ANO4: variants seen among roughly 807,000 people sequenced by gnomAD.
ANO4 encodes the protein anoctamin 4.
Under a neutral mutation model 141.9 loss-of-function variants are expected in ANO4, and 69 were observed. That is an observed-to-expected ratio of 0.49 (90% CI 0.40 to 0.59). The LOEUF is 0.59. Ranked by LOEUF, ANO4 falls within the 20% of genes least tolerant of loss-of-function variation. ANO4 has a pLI of 0.00. For synonymous variants in ANO4, 350 were observed against 394.3 expected (o/e 0.89, Z 1.33); for missense variants, 894 against 1,162.2 (o/e 0.77, Z 3.36).
At chr12:100,836,688 G>A (rs2036941898) in intron 1 of ANO4, among the ~76,000 whole-genome samples, 1 of 152,102 alleles carries the variant, frequency 6.6e-6, no homozygotes, top group African/African-American at 2.4e-5. Flanking sequence ...TTCCAAGGGA[G>A]TTTTTCTTCA....
chr12:100,867,878 T>C (rs1432706621), intron 1 of ANO4, among the ~76,000 whole-genome samples: 1 of 152,224 alleles, frequency 6.6e-6, no homozygotes, highest in Non-Finnish European at 1.5e-5. Context: ...TTTGCACTCT[T>C]TCATTGCCCT....
At chr12:100,726,824 A>G (rs568721767) in intron 1 of ANO4, among the ~76,000 whole-genome samples, 1 of 152,270 alleles carries the variant, frequency 6.6e-6, no homozygotes, top group Admixed American at 6.5e-5. Flanking sequence ...GTTTTGCTTG[A>G]TAGAAATATG....
At chr12:100,722,155 C>A (rs2136732088) in intron 1 of ANO4, among the ~76,000 whole-genome samples, 1 of 152,314 alleles carries the variant, frequency 6.6e-6, no homozygotes, top group East Asian at 1.9e-4. Context: ...AGTATACTCT[C>A]AATCACCAAG....
chr12:100,968,422 G>A (rs547257032), intron 5 of ANO4, among the ~76,000 whole-genome samples: 29 of 152,066 alleles, frequency 1.9e-4, no homozygotes, highest in African/African-American at 6.7e-4. Flanking sequence ...TACTCTAAGC[G>A]CTATATTCTG....
At chr12:100,937,020 A>C (rs2042313970) in intron 3 of ANO4, among the ~76,000 whole-genome samples, 4 of 152,210 alleles carry the variant, frequency 2.6e-5, no homozygotes, top group Admixed American at 2.0e-4. Context: ...AATTTAATTT[A>C]ATCACTGTCT....
chr12:100,941,702 G>A (rs1332432631), intron 4 of ANO4, among the ~76,000 whole-genome samples: 2 of 151,628 alleles, frequency 1.3e-5, no homozygotes, highest in Non-Finnish European at 2.9e-5. Context: ...TTTTTCTCTA[G>A]GCTTACATGT....
intron 17 of ANO4, among the ~76,000 whole-genome samples, chr12:101,089,493 T>C (rs1842508612): frequency 6.6e-6 from 1 of 152,102 alleles, no homozygotes; most frequent in African/African-American, 2.4e-5. Context: ...TCGGTCTGTG[T>C]TAACTGTGGA....
At chr12:101,055,181 T>A (rs374949235) in intron 14 of ANO4, among the ~76,000 whole-genome samples, 9 of 152,358 alleles carry the variant, frequency 5.9e-5, no homozygotes, top group Middle Eastern at 3.4e-3. Flanking sequence ...TTGTAGCCAT[T>A]CATCTTGGAT....
chr12:101,094,541 T>C (rs2049904032), intron 18 of ANO4, among the ~76,000 whole-genome samples: 1 of 152,206 alleles, frequency 6.6e-6, no homozygotes, highest in South Asian at 2.1e-4. Context: ...TTTCTCTTCA[T>C]GCACAAAAAA....
chr12:101,103,626 A>G (rs1250034717), intron 22 of ANO4, among the ~76,000 whole-genome samples: 3 of 151,820 alleles, frequency 2.0e-5, no homozygotes, highest in African/African-American at 7.2e-5. Flanking sequence ...TTTAATTACT[A>G]AGTTCAATTT....
intron 2 of ANO4, among the ~76,000 whole-genome samples, chr12:100,920,723 G>T (rs11110584): frequency 1.3e-5 from 2 of 152,104 alleles, no homozygotes; most frequent in South Asian, 4.1e-4. Flanking sequence ...GACAGTGACC[G>T]AAATGCATAC....
chr12:101,073,012 A>G (rs922973437), intron 14 of ANO4, among the ~76,000 whole-genome samples: 2 of 152,198 alleles, frequency 1.3e-5, no homozygotes, highest in Non-Finnish European at 2.9e-5. Flanking sequence ...CAACCATTGT[A>G]GAAGACAGTG....
At chr12:101,021,097 A>G (rs891759599) in intron 9 of ANO4, among the ~76,000 whole-genome samples, 1 of 152,202 alleles carries the variant, frequency 6.6e-6, no homozygotes, top group African/African-American at 2.4e-5. Context: ...TCCTCGCTAC[A>G]ATGCTAAGCT....
chr12:100,876,060 A>G (rs2039285895), intron 1 of ANO4, among the ~76,000 whole-genome samples: 1 of 152,194 alleles, frequency 6.6e-6, no homozygotes, highest in Non-Finnish European at 1.5e-5. Context: ...CCCATACTTG[A>G]TGTAATGGTT....
At chr12:100,920,738 G>A (rs1402494507) in intron 2 of ANO4, among the ~76,000 whole-genome samples, 2 of 152,050 alleles carry the variant, frequency 1.3e-5, no homozygotes, top group African/African-American at 4.8e-5. Context: ...GCATACCTGG[G>A]GTCTCAAGGA....
chr12:100,928,948 G>A (rs1300831637), intron 3 of ANO4, among the ~76,000 whole-genome samples: 2 of 152,050 alleles, frequency 1.3e-5, no homozygotes, highest in African/African-American at 4.8e-5. Flanking sequence ...TGAGCCAGGT[G>A]ATGACAATGA....
chr12:100,988,112 C>T (rs1223414351), intron 8 of ANO4, among the ~76,000 whole-genome samples: 1 of 152,102 alleles, frequency 6.6e-6, no homozygotes, highest in Non-Finnish European at 1.5e-5. Flanking sequence ...TCTCAGTTCC[C>T]CTTTCTTCAG....
chr12:100,886,912 A>G (rs534957020), intron 1 of ANO4, among the ~76,000 whole-genome samples: 1 of 152,344 alleles, frequency 6.6e-6, no homozygotes, highest in East Asian at 1.9e-4. Context: ...TCACTTCTGC[A>G]CAACTTTTTT....
At chr12:101,126,800 C>A in intron 26 of ANO4, 79 bp from the exon 27 acceptor site, 1 of 1,351,064 alleles carries the variant, frequency 7.4e-7, no homozygotes, top group Non-Finnish European at 1.0e-6. Flanking sequence ...AGAGGGTCCA[C>A]ATCCTTCTTC....
Sources: allele counts gnomAD v4.1 joint callset (sites outside exome capture counted in the v4.1 genomes callset), GRCh38; gene constraint gnomAD v4.1.1; transcripts MANE v1.5; gene names NCBI Gene and HGNC (gene_info 2026-07-23, HGNC 2026-07-21).